Variants in CCDC171 observed in about 807,000 individuals in gnomAD.
CCDC171 encodes the protein coiled-coil domain-containing protein 171.
CCDC171 carries 177 observed loss-of-function variants against 168.2 expected under a neutral mutation model. The observed-to-expected ratio is 1.05, with a 90% confidence interval of 0.93 to 1.19. The LOEUF is 1.19. Ranked by LOEUF, CCDC171 falls within the 50% of genes most tolerant of loss-of-function variation. The pLI, the probability that CCDC171 is intolerant of heterozygous loss-of-function variation, is 0.00. For synonymous variants in CCDC171, 687 were observed against 540.8 expected (o/e 1.27, Z -3.75); for missense variants, 1,991 against 1,539.0 (o/e 1.29, Z -4.91).
intron 21 of CCDC171, among the ~76,000 whole-genome samples, chr9:15,822,661 C>T (rs139989295): frequency 0.018 from 2,733 of 152,074 alleles, 94 homozygotes; most frequent in African/African-American, 0.062. Flanking sequence ...GTTAGAATGG[C>T]GATCATTAAA....
At chr9:15,575,381 C>G (rs2131159931) in intron 3 of CCDC171, among the ~76,000 whole-genome samples, 1 of 152,064 alleles carries the variant, frequency 6.6e-6, no homozygotes, top group South Asian at 2.1e-4. Flanking sequence ...GCCATGTTGT[C>G]CAGGCTGGTC....
chr9:15,808,159 AG>A (rs1427904684), intron 21 of CCDC171, among the ~76,000 whole-genome samples: 1 of 152,080 alleles, frequency 6.6e-6, no homozygotes, highest in Non-Finnish European at 1.5e-5. Flanking sequence ...ACTCTGAGTG[AG>A]GGGGCATTTG....
intron 25 of CCDC171, among the ~76,000 whole-genome samples, chr9:15,939,155 T>C (rs1347639330): frequency 6.6e-6 from 1 of 151,576 alleles, no homozygotes; most frequent in Non-Finnish European, 1.5e-5. Flanking sequence ...TCTACACCTA[T>C]TTATATCTAT....
intron 1 of CCDC171, among the ~76,000 whole-genome samples, chr9:16,059,441 G>C (rs770116208): frequency 6.6e-6 from 1 of 152,014 alleles, no homozygotes; most frequent in African/African-American, 2.4e-5. Context: ...GCACCTCAAG[G>C]GGGCTTTCCA....
intron 12 of CCDC171, 25 bp from the exon 13 acceptor site, chr9:15,723,656 G>C (rs1323481839): frequency 6.4e-7 from 1 of 1,565,996 alleles, no homozygotes; most frequent in Non-Finnish European, 8.7e-7. Flanking sequence ...TCTTTCATCA[G>C]CTAAACAGCA....
chr9:15,719,498 A>G (rs2053331351), intron 11 of CCDC171, among the ~76,000 whole-genome samples: 1 of 151,906 alleles, frequency 6.6e-6, no homozygotes, highest in Non-Finnish European at 1.5e-5. Context: ...CTAGAGAAAT[A>G]TATCATTATT....
chr9:16,087,435 T>G, the CCDC171 span, among the ~76,000 whole-genome samples: 1 of 152,224 alleles, frequency 6.6e-6, no homozygotes, highest in African/African-American at 2.4e-5. Context: ...CAAATATATT[T>G]AGGATAATTA....
chr9:16,104,735 C>CT, the CCDC171 span, among the ~76,000 whole-genome samples: 62,050 of 148,062 alleles, frequency 0.42, 13,179 homozygotes, highest in African/African-American at 0.5. Context: ...TCATTCATTG[C>CT]TTTTTTTTTT....
intron 15 of CCDC171, among the ~76,000 whole-genome samples, 184 bp downstream of exon 15, chr9:15,728,220 G>T (rs1179074717): frequency 1.3e-5 from 2 of 152,106 alleles, no homozygotes; most frequent in Non-Finnish European, 2.9e-5. Flanking sequence ...GCATGTAAAT[G>T]TGACTGAAGT....
chr9:15,757,218 C>G (rs1274203468), intron 18 of CCDC171, among the ~76,000 whole-genome samples: 1 of 152,206 alleles, frequency 6.6e-6, no homozygotes, highest in Non-Finnish European at 1.5e-5. Context: ...TTCTTAGAGA[C>G]TTACTGAATG....
At chr9:15,756,968 A>T (rs1049057347) in intron 18 of CCDC171, among the ~76,000 whole-genome samples, 1 of 152,166 alleles carries the variant, frequency 6.6e-6, no homozygotes, top group Non-Finnish European at 1.5e-5. Context: ...TATAAATCCA[A>T]TAAACCTCTT....
chr9:15,842,722 TA>T (rs2060732567), intron 21 of CCDC171, among the ~76,000 whole-genome samples: 3 of 151,916 alleles, frequency 2.0e-5, no homozygotes, highest in Admixed American at 1.3e-4. Context: ...AGCTGTTATT[TA>T]AAAAAATTTT....
upstream of CCDC171, among the ~76,000 whole-genome samples, chr9:16,040,880 TC>T (rs201541680): frequency 2.2e-4 from 32 of 146,680 alleles, no homozygotes; most frequent in South Asian, 7.9e-4. Context: ...AGATACTCTC[TC>T]TTTTTTTTTC....
At chr9:15,591,603 G>A (rs375685557) in intron 5 of CCDC171, 47 bp downstream of exon 5, 26 of 1,049,872 alleles carry the variant, frequency 2.5e-5, no homozygotes, top group African/African-American at 4.8e-5. Flanking sequence ...AATATTCACC[G>A]AGATGTGTTG....
At chr9:15,995,919 T>C (rs1832355483) in intron 3 of CCDC171, among the ~76,000 whole-genome samples, 1 of 152,216 alleles carries the variant, frequency 6.6e-6, no homozygotes, top group Non-Finnish European at 1.5e-5. Flanking sequence ...TCTTCATGTA[T>C]AGCTTTGTGC....
intron 18 of CCDC171, among the ~76,000 whole-genome samples, chr9:15,756,839 A>G (rs1460714340): frequency 1.3e-5 from 2 of 152,138 alleles, no homozygotes; most frequent in African/African-American, 2.4e-5. Flanking sequence ...ACAAGATCTG[A>G]TGGTTTGATA....
At chr9:15,565,594 A>G (rs2039667894) in intron 2 of CCDC171, among the ~76,000 whole-genome samples, 1 of 152,200 alleles carries the variant, frequency 6.6e-6, no homozygotes, top group Non-Finnish European at 1.5e-5. Flanking sequence ...CCTTTTTTGA[A>G]CAATTCATGT....
chr9:15,887,131 G>C (rs913794919), intron 24 of CCDC171, among the ~76,000 whole-genome samples: 3 of 152,128 alleles, frequency 2.0e-5, no homozygotes, highest in Non-Finnish European at 2.9e-5. Context: ...ATACACAAAA[G>C]AGGGTAACTC....
intron 25 of CCDC171, among the ~76,000 whole-genome samples, chr9:15,926,548 A>G (rs917557391): frequency 7.2e-5 from 11 of 151,760 alleles, no homozygotes; most frequent in African/African-American, 2.7e-4. Context: ...CAAAACTATT[A>G]ACCAGCTGCC....
Sources: allele counts gnomAD v4.1 joint callset (sites outside exome capture counted in the v4.1 genomes callset), GRCh38; gene constraint gnomAD v4.1.1; transcripts MANE v1.5; gene names NCBI Gene and HGNC (gene_info 2026-07-23, HGNC 2026-07-21).